Variants in TSC2 observed in about 807,000 individuals in gnomAD.
The protein encoded by TSC2 is TSC complex subunit 2, also known as tuberin.
TSC2 carries 29 observed loss-of-function variants against 202.2 expected under a neutral mutation model. The ratio of observed to expected loss-of-function variants is 0.14; its 90% CI spans 0.11 to 0.20. TSC2 has a LOEUF of 0.20. Among genes scored for constraint, TSC2 ranks in the 10% least tolerant of loss-of-function variants. The probability of loss-of-function intolerance (pLI) is 1.00; values close to 1 mark genes in which losing one functional copy is unlikely to be tolerated. For missense variants in TSC2, 2,429 were observed against 2,420.0 expected (o/e 1.00, Z -0.08); for synonymous variants, 1,349 against 1,044.0 (o/e 1.29, Z -5.63).
At position 2,082,472 on chromosome 16, in the gene TSC2, A is replaced by G. The variant is rs944693159; in HGVS notation, c.3851A>G (p.Gln1284Arg). 5.6e-6 allele frequency: 9 copies of G among 1,611,980 alleles called. No individual in the cohort carries two copies. The highest frequency in any genetic ancestry group is 5.0e-5 in the Admixed American group (3 of 59,980). ...SFSSLYQSSC[Q>R]GQLHRSVSWA... The stretch of plus-strand genomic sequence containing the variant: ...TCCTCCCTGTACCAGTCCAGCTGCC[A>G]AGGACAGCTGCACAGGAGCGTTTCC... The change falls in exon 32 of 42, where the codon CAA becomes CGA. Residue 1284 changes from glutamine to arginine, a missense_variant. Gln to Arg is a conservative substitution (Grantham distance 43). Transcript: ENST00000219476.
At position 2,056,256 on chromosome 16, in the gene TSC2, C is replaced by G; in HGVS notation, c.648+12C>G. ...CTGTGGACATAGAGGTCAGTGCCTC[C>G]CCTCCCCAGGGCCGGCCCATTTCAC... is the stretch of plus-strand genomic sequence containing the variant. On this transcript the variant is annotated intron_variant, in intron 7 of 41. Transcript: ENST00000219476. 6.2e-7 allele frequency: 1 copy of G among 1,613,980 alleles called. No individual in the cohort carries two copies.
At chr16:2,075,419 T>A (rs1489660358) in intron 22 of TSC2, 6 of 224,484 alleles carry the variant, frequency 2.7e-5, no homozygotes, top group Admixed American at 1.1e-4. Flanking sequence ...CCCAGCTACT[T>A]GGGAGGCTGA....
At chr16:2,073,751 A>T (rs1436341367) in intron 21 of TSC2, among the ~76,000 whole-genome samples, 3 of 152,188 alleles carry the variant, frequency 2.0e-5, no homozygotes, top group African/African-American at 7.2e-5. Flanking sequence ...CCGAGGGGTG[A>T]GGCCGGCTTT....
chr16:2,083,609 CAGG>C (rs1429818985), intron 32 of TSC2, 83 bp from the exon 33 acceptor site: 7 of 1,543,226 alleles, frequency 4.5e-6, no homozygotes, highest in Non-Finnish European at 6.1e-6. Flanking sequence ...TCCCTCTGGT[CAGG>C]AGAAGGCTGG....
intron 38 of TSC2, 66 bp from the exon 39 acceptor site, chr16:2,087,797 C>G: frequency 6.4e-7 from 1 of 1,573,294 alleles, no homozygotes; most frequent in African/African-American, 1.4e-5. Context: ...TGCAACCAGG[C>G]AGTAGCCGAG....
At chr16:2,077,173 G>C (rs895516740) in intron 25 of TSC2, among the ~76,000 whole-genome samples, 1 of 152,200 alleles carries the variant, frequency 6.6e-6, no homozygotes, top group African/African-American at 2.4e-5. Context: ...CTGGGGTCTT[G>C]GTCTCTTTTC....
intron 19 of TSC2, 134 bp from the exon 20 acceptor site, chr16:2,072,107 A>C: frequency 1.3e-6 from 2 of 1,546,394 alleles, no homozygotes; most frequent in South Asian, 1.2e-5. Context: ...TGCGCTGGGC[A>C]GGCTCCCCCG....
chr16:2,058,682 A>C (rs1258844240), intron 9 of TSC2, 65 bp from the exon 10 acceptor site: 2 of 1,547,006 alleles, frequency 1.3e-6, no homozygotes, highest in South Asian at 1.2e-5. Flanking sequence ...GCAACCTCAC[A>C]CATCCATGGC....
chr16:2,087,335 C>G, intron 38 of TSC2: 1 of 336,054 alleles, frequency 3.0e-6, no homozygotes, highest in South Asian at 2.5e-5. Flanking sequence ...CTGGCATGGC[C>G]CAGGCAGGGC....
At chr16:2,066,251 G>C (rs1303543658) in intron 16 of TSC2, 1 of 155,804 alleles carries the variant, frequency 6.4e-6, no homozygotes, top group Non-Finnish European at 1.4e-5. Context: ...ATAAGATGTT[G>C]GATGGTAGAA....
intron 1 of TSC2, 181 bp downstream of exon 1, chr16:2,048,246 G>T: frequency 2.2e-6 from 3 of 1,362,916 alleles, no homozygotes; most frequent in Non-Finnish European, 3.1e-6. Context: ...GCTGCAGGCG[G>T]CTCCGTGACA....
intron 16 of TSC2, among the ~76,000 whole-genome samples, chr16:2,069,594 C>T (rs1344677936): frequency 6.6e-6 from 1 of 152,174 alleles, no homozygotes; most frequent in Non-Finnish European, 1.5e-5. Context: ...ATTCTCCTGC[C>T]TCAGCCTCCC....
chr16:2,063,402 A>G (rs2086880513), intron 14 of TSC2: 1 of 436,108 alleles, frequency 2.3e-6, no homozygotes, highest in African/African-American at 2.0e-5. Flanking sequence ...TTCAGTCCTG[A>G]CGTTCACCCT....
chr16:2,087,041 C>T (rs1167978110), intron 38 of TSC2, 170 bp downstream of exon 38: 8 of 1,015,048 alleles, frequency 7.9e-6, no homozygotes, highest in East Asian at 2.6e-5. Context: ...GCGTTGTGTC[C>T]TCTGTGCCCT....
chr16:2,076,402 T>C, intron 24 of TSC2, 89 bp from the exon 25 acceptor site: 2 of 1,591,524 alleles, frequency 1.3e-6, no homozygotes, highest in Admixed American at 1.7e-5. Flanking sequence ...CTGCAGCTTG[T>C]CCCTGGCCAG....
At chr16:2,061,361 T>C (rs1567426149) in intron 11 of TSC2, 1 of 291,770 alleles carries the variant, frequency 3.4e-6, no homozygotes, top group South Asian at 3.3e-5. Context: ...CGCCGGGACT[T>C]AGCAGGGACT....
chr16:2,064,522 C>CGGATA (rs1399094825), intron 15 of TSC2, 95 bp downstream of exon 15: 3 of 1,581,892 alleles, frequency 1.9e-6, no homozygotes, highest in Non-Finnish European at 2.6e-6. Flanking sequence ...TTCGAGTGAC[C>CGGATA]GGATGGCTGT....
chr16:2,083,014 C>G, intron 32 of TSC2: 1 of 434,626 alleles, frequency 2.3e-6, no homozygotes, highest in Admixed American at 2.4e-5. Context: ...GCATGGTGCT[C>G]CCCTGCCAGG....
intron 14 of TSC2, chr16:2,063,465 C>T (rs2086889456): frequency 3.2e-6 from 1 of 314,942 alleles, no homozygotes; most frequent in Non-Finnish European, 6.1e-6. Context: ...CGGGCTCTCC[C>T]TCTCCACTCC....
Sources: allele counts gnomAD v4.1 joint callset (sites outside exome capture counted in the v4.1 genomes callset), GRCh38; gene constraint gnomAD v4.1.1; transcripts MANE v1.5; gene names NCBI Gene and HGNC (gene_info 2026-07-23, HGNC 2026-07-21).